Variants in LRP1B observed in about 807,000 individuals in gnomAD.
LRP1B encodes low-density lipoprotein receptor-related protein 1B.
A neutral mutation model predicts 556.6 loss-of-function variants in LRP1B; 217 were observed. The ratio of observed to expected loss-of-function variants is 0.39; its 90% CI spans 0.35 to 0.44. LRP1B has a LOEUF of 0.44. Among genes scored for constraint, LRP1B ranks in the 20% least tolerant of loss-of-function variants. The pLI is 1.00. For synonymous variants in LRP1B, 2,047 were observed against 1,865.8 expected, an observed-to-expected ratio of 1.10 and a Z score of -2.50; for missense variants, 5,053 against 5,620.8, an observed-to-expected ratio of 0.90 and a Z score of 3.23.
intron 3 of LRP1B, among the ~76,000 whole-genome samples, chr2:141,291,792 C>T (rs1356238497): frequency 7.3e-6 from 1 of 136,798 alleles, no homozygotes; most frequent in Non-Finnish European, 1.5e-5. Flanking sequence ...GGAGGCGGAG[C>T]TTGCAGTGAG....
chr2:141,544,325 C>CTTCTTCTTCTT lies in LRP1B; in HGVS notation c.206-63803_206-63793dup, dbSNP rs1553533147. Among the ~76,000 whole-genome samples, 153 of 55,556 alleles carry CTTCTTCTTCTT rather than the reference C, an allele frequency of 2.8e-3. 1 individual carries two copies. Among genetic ancestry groups the CTTCTTCTTCTT allele is most frequent in the East Asian group, 0.016 (23 of 1,470 alleles). 36.4% of individuals were successfully genotyped at this position (55,556 alleles called of 152,430 possible). ...TCTTCTTCTTCTTCTTCTTCTTCTT[C>CTTCTTCTTCTT]TTCTTCTTCTTCTTCTTCTTCTTCT... is the stretch of plus-strand genomic sequence containing the variant. On this transcript the variant is annotated intron_variant, in intron 2 of 90. Coordinates refer to ENST00000389484, the MANE Select transcript of LRP1B (RefSeq NM_018557.3).
chr2:141,530,455 A>G (rs1187594245), intron 2 of LRP1B, among the ~76,000 whole-genome samples: 1 of 152,068 alleles, frequency 6.6e-6, no homozygotes, highest in African/African-American at 2.4e-5. Flanking sequence ...TTGAATATGT[A>G]TTCATTCTTC....
intron 7 of LRP1B, among the ~76,000 whole-genome samples, chr2:141,182,996 A>G (rs182365925): frequency 6.6e-6 from 1 of 152,024 alleles, no homozygotes; most frequent in East Asian, 1.9e-4. Context: ...AAAAAGTACA[A>G]AGGGTCGTAT....
At position 140,883,902 on chromosome 2, in the gene LRP1B, C is replaced by T. The variant is rs2105187088; in HGVS notation, c.4084G>A (p.Ala1362Thr). The T allele has an allele frequency of 6.2e-7, 1 of 1,613,710 alleles. No homozygotes were observed. The highest frequency in any genetic ancestry group is 8.5e-7 in the Non-Finnish European group (1 of 1,179,884). ...GTTCTTAGGGAGCCATCTAGTTTGG[C>T]CACTTCGATTTGGTCCAGATTGCTG... Reference protein sequence around the residue: ...IDSNLDQIEVAKLDGSLRTTL... With the variant: ...IDSNLDQIEVTKLDGSLRTTL... Residue 1362 changes from alanine to threonine, a missense_variant, in exon 25 of 91, where the codon GCC (alanine) becomes ACC (threonine). By Grantham distance (58) the Ala-to-Thr change is moderately conservative. Around this residue, in one of 5 missense-constraint regions of LRP1B, gnomAD observed 3,619 missense variants for 3,931.9 expected, o/e 0.92. Transcript: ENST00000389484.
At chr2:140,879,992 C>A (rs1693424337) in intron 25 of LRP1B, among the ~76,000 whole-genome samples, 1 of 150,710 alleles carries the variant, frequency 6.6e-6, no homozygotes, top group Non-Finnish European at 1.5e-5. Flanking sequence ...ATATTCAGTT[C>A]TAAAACCAAC....
intron 23 of LRP1B, among the ~76,000 whole-genome samples, chr2:140,895,830 A>G (rs1693938083): frequency 6.6e-6 from 1 of 152,134 alleles, no homozygotes. Context: ...CCGTCAAGCC[A>G]TCCCTCTGAA....
At chr2:141,115,005 A>T (rs979477986) in intron 7 of LRP1B, among the ~76,000 whole-genome samples, 5 of 152,194 alleles carry the variant, frequency 3.3e-5, no homozygotes, top group African/African-American at 1.2e-4. Context: ...TTCCGAAGGA[A>T]ACAAAACAAA....
chr2:142,007,240 G>A (rs1230569816), intron 1 of LRP1B, among the ~76,000 whole-genome samples: 5 of 152,050 alleles, frequency 3.3e-5, no homozygotes, highest in African/African-American at 1.2e-4. Context: ...TTTGTTCTCT[G>A]TTCATCTTAT....
chr2:140,714,515 G>T (rs1687143681), intron 37 of LRP1B, among the ~76,000 whole-genome samples: 1 of 152,058 alleles, frequency 6.6e-6, no homozygotes. Flanking sequence ...AGCAGCAAAA[G>T]GCTTGTTAAA....
At chr2:141,206,110 T>G (rs751145453) in intron 6 of LRP1B, among the ~76,000 whole-genome samples, 13 of 146,272 alleles carry the variant, frequency 8.9e-5, no homozygotes, top group Non-Finnish European at 1.6e-4. Context: ...TGAATAAAAA[T>G]AATGTGAGGA....
chr2:141,832,166 C>CA (rs1345149154), intron 1 of LRP1B, among the ~76,000 whole-genome samples: 5 of 151,548 alleles, frequency 3.3e-5, no homozygotes, highest in African/African-American at 1.2e-4. Context: ...GACTATCACT[C>CA]AATTTTTAAA....
intron 32 of LRP1B, among the ~76,000 whole-genome samples, chr2:140,811,205 T>G (rs1690912510): frequency 1.3e-5 from 2 of 152,188 alleles, no homozygotes; most frequent in South Asian, 4.1e-4. Context: ...TCATAACAGA[T>G]TCACAGCATT....
At chr2:141,501,401 A>G (rs1043434370) in intron 2 of LRP1B, among the ~76,000 whole-genome samples, 1 of 152,174 alleles carries the variant, frequency 6.6e-6, no homozygotes, top group Non-Finnish European at 1.5e-5. Flanking sequence ...CCAAGTGCCT[A>G]AAAGGAGAAA....
At chr2:141,880,986 T>A (rs2104893828) in intron 1 of LRP1B, among the ~76,000 whole-genome samples, 1 of 152,220 alleles carries the variant, frequency 6.6e-6, no homozygotes, top group Non-Finnish European at 1.5e-5. Flanking sequence ...GGTTGCTCCT[T>A]TGAATGGTAC....
chr2:141,965,824 T>A (rs1042656014), intron 1 of LRP1B, among the ~76,000 whole-genome samples: 5 of 149,734 alleles, frequency 3.3e-5, no homozygotes, highest in African/African-American at 1.2e-4. Flanking sequence ...GAAAATTGTT[T>A]TTTTTTTAAG....
chr2:140,828,946 A>G (rs1573774174), intron 31 of LRP1B, among the ~76,000 whole-genome samples: 1 of 152,080 alleles, frequency 6.6e-6, no homozygotes, highest in African/African-American at 2.4e-5. Context: ...AAGATAGCCC[A>G]TGTAAATAAA....
chr2:140,646,342 AT>A (rs1168159886), intron 41 of LRP1B, among the ~76,000 whole-genome samples: 2 of 152,240 alleles, frequency 1.3e-5, no homozygotes, highest in Non-Finnish European at 2.9e-5. Flanking sequence ...GAGAGAAGTT[AT>A]ATTTAGAGTT....
At chr2:140,829,125 T>C (rs1691628292) in intron 31 of LRP1B, among the ~76,000 whole-genome samples, 1 of 152,080 alleles carries the variant, frequency 6.6e-6, no homozygotes, top group Admixed American at 6.6e-5. Flanking sequence ...CACCGAAATA[T>C]ATAAAGCAAA....
At chr2:141,504,943 A>G (rs1288180242) in intron 2 of LRP1B, among the ~76,000 whole-genome samples, 1 of 152,312 alleles carries the variant, frequency 6.6e-6, no homozygotes, top group African/African-American at 2.4e-5. Flanking sequence ...AATGGCTAAC[A>G]TATTTGAAAG....
Sources: allele counts gnomAD v4.1 joint callset (sites outside exome capture counted in the v4.1 genomes callset), GRCh38; gene constraint gnomAD v4.1.1; regional missense constraint gnomAD v4.1.1; transcripts MANE v1.5; gene names NCBI Gene and HGNC (gene_info 2026-07-23, HGNC 2026-07-21).